Variants in CNTN5 observed in about 807,000 individuals in gnomAD.
CNTN5 encodes contactin 5, also known as contactin-5.
In CNTN5, 77 loss-of-function variants were observed where a neutral mutation model predicts 129.1. That is an observed-to-expected ratio of 0.60 (90% confidence interval 0.50 to 0.72). CNTN5 has a LOEUF of 0.72. Ranked by LOEUF, CNTN5 falls within the 30% of genes least tolerant of loss-of-function variation. The pLI is 0.00. For missense variants in CNTN5, 1,478 were observed against 1,328.8 expected (o/e 1.11, Z -1.75); for synonymous variants, 509 against 465.6 (o/e 1.09, Z -1.20).
chr11:99,843,776 C>T (rs930592504), intron 4 of CNTN5, among the ~76,000 whole-genome samples: 2 of 151,964 alleles, frequency 1.3e-5, no homozygotes, highest in African/African-American at 4.8e-5. Context: ...AAGATCTGTC[C>T]CAAAACATCA....
intron 2 of CNTN5, among the ~76,000 whole-genome samples, chr11:99,356,620 C>A (rs1938691654): frequency 1.3e-5 from 2 of 152,168 alleles, no homozygotes; most frequent in African/African-American, 4.8e-5. Context: ...ATTCTGTCAA[C>A]CCTCTTAGAG....
chr11:100,342,744 C>T (rs1267191984), intron 23 of CNTN5, among the ~76,000 whole-genome samples: 2 of 152,072 alleles, frequency 1.3e-5, no homozygotes, highest in Non-Finnish European at 2.9e-5. Context: ...CTAACGTTGG[C>T]CCAGATAGAA....
chr11:100,331,492 A>ATC (rs1159795619), intron 21 of CNTN5, among the ~76,000 whole-genome samples: 2 of 152,162 alleles, frequency 1.3e-5, no homozygotes, highest in Non-Finnish European at 2.9e-5. Context: ...GACCTAACAG[A>ATC]TATCTACAGA....
chr11:100,231,999 C>T (rs1204542664), intron 16 of CNTN5, among the ~76,000 whole-genome samples: 1 of 151,808 alleles, frequency 6.6e-6, no homozygotes, highest in African/African-American at 2.4e-5. Context: ...ACTAAAAATA[C>T]AAAAATTATC....
rs555047983 is a variant in CNTN5, at chr11:100,018,049, A to G, written c.980+15913A>G. On this transcript the variant is annotated intron_variant, in intron 9 of 24. Coordinates refer to ENST00000524871, the MANE Select transcript of CNTN5 (RefSeq NM_014361.4). ...TTCTAATACATTTTCCGTGACTTAA[A>G]TGTGTAGAGAAAACACAATATATTA... 5.9e-5 allele frequency among the ~76,000 whole-genome samples: 9 copies of G among 152,140 alleles called. No individual in the cohort carries two copies. The South Asian group carries it at 1.7e-3, about 28-fold the overall frequency.
chr11:100,249,955 T>C (rs1216920426), intron 16 of CNTN5, among the ~76,000 whole-genome samples: 1 of 152,166 alleles, frequency 6.6e-6, no homozygotes, highest in Non-Finnish European at 1.5e-5. Context: ...AAATCTTGTT[T>C]TCACCTTTTT....
chr11:100,080,532 T>C (rs1944320176), intron 13 of CNTN5, among the ~76,000 whole-genome samples: 1 of 152,172 alleles, frequency 6.6e-6, no homozygotes, highest in Non-Finnish European at 1.5e-5. Context: ...TGGGAAAATC[T>C]GTTCTTAACA....
chr11:99,744,340 C>G (rs112846827), intron 3 of CNTN5, among the ~76,000 whole-genome samples: 2 of 151,618 alleles, frequency 1.3e-5, no homozygotes, highest in African/African-American at 4.8e-5. Context: ...AACAAACAAA[C>G]AGAAAGAAAA....
chr11:99,618,730 A>G (rs1455737776), intron 3 of CNTN5, among the ~76,000 whole-genome samples: 1 of 151,828 alleles, frequency 6.6e-6, no homozygotes, highest in Non-Finnish European at 1.5e-5. Flanking sequence ...TGTGTCTGTT[A>G]TACCAGGCTA....
chr11:99,131,259 A>AAAAAAAAAG (rs1315927207), intron 1 of CNTN5, among the ~76,000 whole-genome samples: 7 of 148,552 alleles, frequency 4.7e-5, no homozygotes, highest in African/African-American at 1.7e-4. Flanking sequence ...GAAAAAAAAA[A>AAAAAAAAAG]AAAAAGAAAA....
chr11:99,294,228 T>C (rs947521867), intron 1 of CNTN5, among the ~76,000 whole-genome samples: 3 of 152,180 alleles, frequency 2.0e-5, no homozygotes, highest in South Asian at 2.1e-4. Context: ...TTTCTCTTGT[T>C]TGTGCCCTTG....
chr11:99,516,937 T>C (rs376033811), intron 2 of CNTN5, among the ~76,000 whole-genome samples: 37 of 152,202 alleles, frequency 2.4e-4, no homozygotes, highest in African/African-American at 8.9e-4. Context: ...CAATGAAAAA[T>C]GAATGGGCAC....
At chr11:99,657,755 A>C (rs1010861908) in intron 3 of CNTN5, among the ~76,000 whole-genome samples, 8 of 152,110 alleles carry the variant, frequency 5.3e-5, no homozygotes, top group Non-Finnish European at 5.9e-5. Flanking sequence ...TTCAGTGACT[A>C]CATCTGTTAT....
At chr11:99,948,016 G>A (rs1397409431) in intron 7 of CNTN5, among the ~76,000 whole-genome samples, 2 of 152,096 alleles carry the variant, frequency 1.3e-5, no homozygotes, top group East Asian at 1.9e-4. Context: ...ATTTTACTAA[G>A]TAAAACACAG....
chr11:99,399,719 A>G (rs1306798274), intron 2 of CNTN5, among the ~76,000 whole-genome samples: 2 of 152,044 alleles, frequency 1.3e-5, no homozygotes, highest in East Asian at 3.9e-4. Context: ...TTATCTAAAT[A>G]TTTTTTGAAG....
chr11:99,845,312 A>AC, intron 6 of CNTN5, 50 bp downstream of exon 6: 1 of 1,028,312 alleles, frequency 9.7e-7, no homozygotes, highest in Non-Finnish European at 1.3e-6. Context: ...GTGTGTATAT[A>AC]CAGTATGGAT....
intron 13 of CNTN5, among the ~76,000 whole-genome samples, chr11:100,179,290 T>C (rs1269689758): frequency 6.6e-6 from 1 of 152,098 alleles, no homozygotes; most frequent in East Asian, 1.9e-4. Context: ...TTCAACTGCT[T>C]TAATTTTTAA....
intron 3 of CNTN5, among the ~76,000 whole-genome samples, chr11:99,582,404 A>G (rs1456329368): frequency 3.3e-5 from 5 of 152,150 alleles, no homozygotes; most frequent in Non-Finnish European, 7.4e-5. Flanking sequence ...TCTCCTGGAT[A>G]ATATCCTGCA....
chr11:100,095,918 T>C (rs906073687), intron 13 of CNTN5, among the ~76,000 whole-genome samples: 2 of 152,092 alleles, frequency 1.3e-5, no homozygotes, highest in Non-Finnish European at 2.9e-5. Context: ...ATAAGTGTTT[T>C]AAACATCTGT....
Sources: allele counts gnomAD v4.1 joint callset (sites outside exome capture counted in the v4.1 genomes callset), GRCh38; gene constraint gnomAD v4.1.1; transcripts MANE v1.5; gene names NCBI Gene and HGNC (gene_info 2026-07-23, HGNC 2026-07-21).